The following PTPRU variants were observed in gnomAD, a reference collection of about 807,000 sequenced individuals.
PTPRU encodes the protein receptor-type tyrosine-protein phosphatase U.
Under a neutral mutation model 166.3 loss-of-function variants are expected in PTPRU, and 69 were observed. The ratio of observed to expected loss-of-function variants is 0.41; its 90% CI spans 0.34 to 0.51. The LOEUF (loss-of-function observed/expected upper bound fraction) is 0.51, where lower values mean the gene tolerates loss of function less well. PTPRU is among the 20% of genes least tolerant of loss of function. The pLI is 0.09. For synonymous variants in PTPRU, 793 were observed against 814.0 expected (o/e 0.97, Z 0.44); for missense variants, 1,657 against 2,013.7 (o/e 0.82, Z 3.39).
intron 7 of PTPRU, 112 bp from the exon 8 acceptor site, chr1:29,275,336 G>T: frequency 8.3e-7 from 1 of 1,209,244 alleles, no homozygotes; most frequent in Non-Finnish European, 1.1e-6. Flanking sequence ...AGCTCTTGGG[G>T]GCAATGGAGG....
intron 14 of PTPRU, among the ~76,000 whole-genome samples, chr1:29,286,495 G>A (rs145120840): frequency 1.3e-5 from 2 of 152,272 alleles, no homozygotes; most frequent in Non-Finnish European, 2.9e-5. Flanking sequence ...CTTCAACTCA[G>A]GCTCGCCTAC....
intron 5 of PTPRU, 45 bp downstream of exon 5, chr1:29,259,609 G>C: frequency 6.9e-7 from 1 of 1,458,908 alleles, no homozygotes; most frequent in Admixed American, 1.9e-5. Flanking sequence ...GTGGGAGGGG[G>C]TTGGTGGCTG....
chr1:29,312,974 C>T (rs769500553), intron 22 of PTPRU, among the ~76,000 whole-genome samples: 1 of 152,152 alleles, frequency 6.6e-6, no homozygotes, highest in Non-Finnish European at 1.5e-5. Flanking sequence ...GCCTCCGGGC[C>T]GCTGAGGCGC....
In PTPRU at chr1:29,304,037, G is replaced by T. The variant is rs983956280; in HGVS notation, c.2659G>T (p.Glu887Ter). 1.9e-6 allele frequency: 3 copies of T among 1,604,178 alleles called. No individual in the cohort carries two copies. The African/African-American group carries it at 4.0e-5, about 21-fold the overall frequency. Reference sequence around the variant, plus strand: ...GGCCGAGGGTTACGGCTTCAAGCAGGAGTATGAGGTGCACGCCGGCCCCGG... The same window carrying T: ...GGCCGAGGGTTACGGCTTCAAGCAGTAGTATGAGGTGCACGCCGGCCCCGG... ...KTAEGYGFKQ[E>*]YESFFEGWDA... The change falls in exon 16 of 30, where the codon GAG becomes TAG. Residue 887 changes from glutamate (E) to a stop codon, truncating the protein, a stop_gained. Coordinates refer to ENST00000373779, the MANE Select transcript of PTPRU (RefSeq NM_133178.4). LOFTEE classifies it high-confidence loss of function.
intron 25 of PTPRU, among the ~76,000 whole-genome samples, chr1:29,318,671 C>G (rs540308709): frequency 6.6e-6 from 1 of 152,354 alleles, no homozygotes; most frequent in Non-Finnish European, 1.5e-5. Flanking sequence ...GCCGCTCCTT[C>G]ACCCCTCCCC....
intron 11 of PTPRU, among the ~76,000 whole-genome samples, chr1:29,281,703 G>A (rs1686089258): frequency 6.6e-6 from 1 of 152,258 alleles, no homozygotes; most frequent in South Asian, 2.1e-4. Context: ...TGTTTATAAT[G>A]GGCTAGTGAC....
At chr1:29,313,605 C>G (rs1687766655) in intron 22 of PTPRU, among the ~76,000 whole-genome samples, 1 of 152,202 alleles carries the variant, frequency 6.6e-6, no homozygotes, top group Non-Finnish European at 1.5e-5. Flanking sequence ...CCTGTAATCT[C>G]AGCACTTTGG....
intron 14 of PTPRU, among the ~76,000 whole-genome samples, chr1:29,290,584 G>T (rs1686582237): frequency 6.6e-6 from 1 of 152,178 alleles, no homozygotes; most frequent in South Asian, 2.1e-4. Flanking sequence ...GAGGACAGTG[G>T]GTCTCTCACC....
chr1:29,277,750 G>C (rs1238772249), intron 8 of PTPRU, among the ~76,000 whole-genome samples: 1 of 141,002 alleles, frequency 7.1e-6, no homozygotes, highest in Non-Finnish European at 1.5e-5. Context: ...TACAGAAGAA[G>C]TCACAGAAAG....
At chr1:29,277,978 C>T (rs778339751) in intron 8 of PTPRU, among the ~76,000 whole-genome samples, 2 of 151,650 alleles carry the variant, frequency 1.3e-5, no homozygotes, top group Admixed American at 6.6e-5. Flanking sequence ...ACCACTACGC[C>T]GGCTAATTTT....
At chr1:29,258,820 G>A (rs1321669670) in intron 3 of PTPRU, 44 bp downstream of exon 3, 3 of 1,527,952 alleles carry the variant, frequency 2.0e-6, no homozygotes, top group Non-Finnish European at 2.6e-6. Flanking sequence ...CTGGAGGTGG[G>A]GCAGATGGAT....
At position 29,311,645 on chromosome 1, in the gene PTPRU, G is replaced by A. The variant is rs1395868747; in HGVS notation, c.2958G>A (p.Val986=). The A allele has an allele frequency of 6.2e-7, 1 of 1,614,084 alleles. No homozygotes were observed. The highest frequency in any genetic ancestry group is 8.5e-7 in the Non-Finnish European group (1 of 1,180,012). The change falls in exon 21 of 30, where the codon GTG becomes GTA. Residue 986 remains valine, a splice_region_variant and synonymous_variant. Coordinates refer to ENST00000373779, the MANE Select transcript of PTPRU (RefSeq NM_133178.4). This position sits in a 1 kb window ranked among gnomAD's most constrained non-coding sequence, Gnocchi z 4.1. ...MITKLVEVGR[V]KCSRYWPEDS... ...GTCCCGTCCTGTGGGGCCTCTAGGT[G>A]AAATGCTCACGGTACTGGCCGGAGG...
intron 15 of PTPRU, among the ~76,000 whole-genome samples, chr1:29,301,417 A>G (rs2151962037): frequency 6.6e-6 from 1 of 152,326 alleles, no homozygotes; most frequent in South Asian, 2.1e-4. Flanking sequence ...TAGCACATAC[A>G]ATTATGTGCA....
At chr1:29,251,266 A>G (rs1457847185) in intron 1 of PTPRU, among the ~76,000 whole-genome samples, 1 of 152,080 alleles carries the variant, frequency 6.6e-6, no homozygotes, top group Non-Finnish European at 1.5e-5. Flanking sequence ...GAAAAAAAAA[A>G]AAGGAATCAC....
chr1:29,325,041 T>A (rs1688342581), intron 28 of PTPRU, 150 bp from the exon 29 acceptor site: 1 of 1,090,514 alleles, frequency 9.2e-7, no homozygotes, highest in South Asian at 1.6e-5. Flanking sequence ...ACTCCGCCCC[T>A]CACCTCTGGG....
At chr1:29,284,079 G>C in intron 13 of PTPRU, 103 bp downstream of exon 13, 1 of 1,469,428 alleles carries the variant, frequency 6.8e-7, no homozygotes, top group East Asian at 2.3e-5. Flanking sequence ...AGTAGAGGAG[G>C]GTGGTTGGGC....
Position 29,257,574 on chromosome 1 carries a change from G to C in PTPRU, c.206-931G>C, listed in dbSNP as rs977910666. 6.6e-6 allele frequency among the ~76,000 whole-genome samples: 1 copy of C among 152,330 alleles called. No individual in the cohort carries two copies. Among genetic ancestry groups the C allele is most frequent in the Non-Finnish European group, 1.5e-5 (1 of 68,028 alleles). On this transcript the variant is annotated intron_variant, in intron 2 of 29. Coordinates refer to ENST00000373779, the MANE Select transcript of PTPRU (RefSeq NM_133178.4). This position sits in a 1 kb window ranked among gnomAD's most constrained non-coding sequence, Gnocchi z 4.6. ...CCAGTACCCAGCCTGGGTCTCTGGG[G>C]AAGGGACAGGCTGCCTTTCTCCAGG...
rs1429004825 is a variant in PTPRU at position 29,312,545 on chromosome 1, T to C, written c.3073-7T>C. On this transcript the variant is annotated splice_region_variant and splice_polypyrimidine_tract_variant and intron_variant, in intron 21 of 29. Coordinates refer to ENST00000373779, the MANE Select transcript of PTPRU (RefSeq NM_133178.4). ...GACTCTGATTATTATTCCCATTGTCTCCCCAGAGAGGCTACTCTGCCCGGC... is the reference window on the plus strand; with the variant it reads ...GACTCTGATTATTATTCCCATTGTCCCCCCAGAGAGGCTACTCTGCCCGGC... The C allele has an allele frequency of 4.4e-6, 7 of 1,573,536 alleles. No individual in the cohort carries two copies. The highest frequency in any genetic ancestry group is 6.1e-6 in the Non-Finnish European group (7 of 1,149,770).
chr1:29,298,438 A>G (rs566861093), intron 15 of PTPRU, among the ~76,000 whole-genome samples: 1 of 152,264 alleles, frequency 6.6e-6, no homozygotes, highest in South Asian at 2.1e-4. Flanking sequence ...ATGGAAAGCC[A>G]TGTTGATTTT....
Sources: gnomAD v4.1 joint callset for allele counts (sites outside exome capture counted in the v4.1 genomes callset) on GRCh38, gnomAD v4.1.1 for gene constraint, Gnocchi (gnomAD v3.1) non-coding constraint, MANE v1.5 for transcripts, NCBI Gene and HGNC (gene_info 2026-07-23, HGNC 2026-07-21) for gene names.